FSTL5: variants seen among roughly 807,000 people sequenced by gnomAD.
The protein encoded by FSTL5 is follistatin-related protein 5.
Under a neutral mutation model 89.1 loss-of-function variants are expected in FSTL5, and 62 were observed. The ratio of observed to expected loss-of-function variants is 0.70; its 90% CI spans 0.57 to 0.86. The LOEUF is 0.86. FSTL5 is among the 40% of genes least tolerant of loss of function. The probability of loss-of-function intolerance (pLI) is 0.00; values close to 1 mark genes in which losing one functional copy is unlikely to be tolerated. For missense variants in FSTL5, 1,057 were observed against 1,001.6 expected, an observed-to-expected ratio of 1.06 and a Z score of -0.75; for synonymous variants, 383 against 346.2, an observed-to-expected ratio of 1.11 and a Z score of -1.18.
chr4:162,011,975 C>A (rs1214473032), intron 3 of FSTL5, among the ~76,000 whole-genome samples: 2 of 152,128 alleles, frequency 1.3e-5, no homozygotes, highest in African/African-American at 2.4e-5. Context: ...ACTTATCTAG[C>A]AATTCACAAG....
At chr4:161,895,646 T>C (rs980238987) in intron 4 of FSTL5, among the ~76,000 whole-genome samples, 4 of 152,250 alleles carry the variant, frequency 2.6e-5, no homozygotes, top group Middle Eastern at 3.4e-3. Context: ...CAGTGGAAAA[T>C]AAAATAATAA....
chr4:161,514,242 TACAC>T (rs1284436331), intron 10 of FSTL5, among the ~76,000 whole-genome samples: 1 of 148,868 alleles, frequency 6.7e-6, no homozygotes, highest in Non-Finnish European at 1.5e-5. Context: ...CACACACACA[TACAC>T]ACACACAGAC....
At chr4:161,526,676 T>C (rs910432638) in intron 10 of FSTL5, among the ~76,000 whole-genome samples, 1 of 152,222 alleles carries the variant, frequency 6.6e-6, no homozygotes, top group African/African-American at 2.4e-5. Context: ...GCTAGCCAGT[T>C]TTCCCAGCAC....
intron 4 of FSTL5, among the ~76,000 whole-genome samples, chr4:161,788,452 C>G (rs1028495242): frequency 6.6e-6 from 1 of 152,166 alleles, no homozygotes; most frequent in South Asian, 2.1e-4. Flanking sequence ...TTCCACTATT[C>G]TATTCTCTAC....
At chr4:161,573,560 C>A (rs1212869131) in intron 8 of FSTL5, among the ~76,000 whole-genome samples, 1 of 148,874 alleles carries the variant, frequency 6.7e-6, no homozygotes, top group Non-Finnish European at 1.5e-5. Flanking sequence ...ACATGAGAAA[C>A]CCGTCTCTAG....
intron 3 of FSTL5, among the ~76,000 whole-genome samples, chr4:161,951,448 T>C (rs1734891747): frequency 1.3e-5 from 2 of 152,154 alleles, no homozygotes; most frequent in East Asian, 3.9e-4. Context: ...TTCATTAAGG[T>C]GATTTACATC....
At chr4:161,751,595 C>T (rs888321455) in intron 6 of FSTL5, among the ~76,000 whole-genome samples, 11 of 151,906 alleles carry the variant, frequency 7.2e-5, no homozygotes, top group African/African-American at 1.9e-4. Flanking sequence ...GGCAACATAG[C>T]AAAGTCCCAT....
At chr4:161,734,438 A>G (rs989301679) in intron 6 of FSTL5, among the ~76,000 whole-genome samples, 3 of 152,204 alleles carry the variant, frequency 2.0e-5, no homozygotes. Context: ...GGCTGACACT[A>G]ATGCCTTCTG....
chr4:161,880,330 T>G, intron 4 of FSTL5, among the ~76,000 whole-genome samples: 1 of 152,034 alleles, frequency 6.6e-6, no homozygotes, highest in East Asian at 1.9e-4. Context: ...CTAACATTAT[T>G]TCATTTACCA....
intron 6 of FSTL5, among the ~76,000 whole-genome samples, chr4:161,731,877 C>A (rs2126762907): frequency 6.6e-6 from 1 of 152,122 alleles, no homozygotes; most frequent in Middle Eastern, 3.4e-3. Context: ...AGATATACCA[C>A]AATTTGTTTA....
intron 12 of FSTL5, among the ~76,000 whole-genome samples, chr4:161,493,721 G>A (rs529881965): frequency 5.3e-4 from 81 of 151,994 alleles, no homozygotes; most frequent in African/African-American, 1.5e-3. Context: ...TTTGTAAAGC[G>A]TGCGGAATGC....
chr4:161,668,274 A>G (rs1004651715), intron 6 of FSTL5, among the ~76,000 whole-genome samples: 3 of 152,206 alleles, frequency 2.0e-5, no homozygotes, highest in Non-Finnish European at 4.4e-5. Flanking sequence ...CCTAGGTTAA[A>G]TGGACCAATT....
At chr4:161,631,612 G>A (rs1485374378) in intron 7 of FSTL5, among the ~76,000 whole-genome samples, 1 of 152,092 alleles carries the variant, frequency 6.6e-6, no homozygotes, top group Non-Finnish European at 1.5e-5. Flanking sequence ...GTGAGATTCT[G>A]TCTCTAAATA....
intron 5 of FSTL5, among the ~76,000 whole-genome samples, 171 bp from the exon 6 acceptor site, chr4:161,759,702 T>C (rs936625787): frequency 6.6e-6 from 1 of 152,192 alleles, no homozygotes; most frequent in South Asian, 2.1e-4. Context: ...ATTTTTAACC[T>C]TTTCAAAGAT....
chr4:161,777,049 T>C (rs2126805121), intron 4 of FSTL5, among the ~76,000 whole-genome samples: 1 of 152,080 alleles, frequency 6.6e-6, no homozygotes, highest in African/African-American at 2.4e-5. Flanking sequence ...TTTCCCAACC[T>C]CTGGTAACCA....
intron 1 of FSTL5, among the ~76,000 whole-genome samples, chr4:162,133,955 C>T (rs1483426769): frequency 6.6e-6 from 1 of 152,172 alleles, no homozygotes; most frequent in Non-Finnish European, 1.5e-5. Flanking sequence ...TCATGATGCT[C>T]CCATTGGAAG....
intron 15 of FSTL5, among the ~76,000 whole-genome samples, chr4:161,393,415 G>C (rs1041613541): frequency 9.9e-5 from 15 of 151,736 alleles, no homozygotes; most frequent in Admixed American, 6.6e-5. Context: ...TTATCCTTAA[G>C]GTAAACTACA....
intron 12 of FSTL5, among the ~76,000 whole-genome samples, chr4:161,489,125 A>C (rs1427521999): frequency 6.6e-6 from 1 of 152,152 alleles, no homozygotes; most frequent in Non-Finnish European, 1.5e-5. Flanking sequence ...AAAAAGACAC[A>C]ACTGTAGGGT....
At chr4:161,420,422 A>C (rs1457737010) in intron 15 of FSTL5, among the ~76,000 whole-genome samples, 1 of 152,148 alleles carries the variant, frequency 6.6e-6, no homozygotes, top group South Asian at 2.1e-4. Context: ...TATGTTAAGC[A>C]AATATCTTTA....
Sources: gnomAD v4.1 joint callset for allele counts (sites outside exome capture counted in the v4.1 genomes callset) on GRCh38, gnomAD v4.1.1 for gene constraint, MANE v1.5 for transcripts, NCBI Gene and HGNC (gene_info 2026-07-23, HGNC 2026-07-21) for gene names.